The following RAB2A variants were observed in gnomAD, a reference collection of about 807,000 sequenced individuals.
The protein encoded by RAB2A is ras-related protein Rab-2A.
A neutral mutation model predicts 32.5 loss-of-function variants in RAB2A; 7 were observed. The observed-to-expected ratio is 0.22, with a 90% CI of 0.12 to 0.40. The LOEUF (loss-of-function observed/expected upper bound fraction) is 0.40, where lower values mean the gene tolerates loss of function less well. Ranked by LOEUF, RAB2A falls within the 10% of genes least tolerant of loss-of-function variation. The probability of loss-of-function intolerance (pLI) is 1.00; values close to 1 mark genes in which losing one functional copy is unlikely to be tolerated. For missense variants in RAB2A, 108 were observed against 260.7 expected (o/e 0.41, Z 4.03); for synonymous variants, 79 against 85.2 (o/e 0.93, Z 0.40).
intron 3 of RAB2A, among the ~76,000 whole-genome samples, chr8:60,581,522 G>T (rs1803750816): frequency 6.6e-6 from 1 of 152,180 alleles, no homozygotes; most frequent in South Asian, 2.1e-4. Flanking sequence ...AATATTTTCA[G>T]ACTGCAGTTG....
rs1464353073 is a variant in RAB2A at position 60,622,735 on chromosome 8, C to T, written c.*1966C>T. On this transcript the variant is annotated 3_prime_UTR_variant, in exon 8 of 8. Coordinates refer to ENST00000262646, the MANE Select transcript of RAB2A (RefSeq NM_002865.3). ...AAACCAGGACATGCATTTTAATACCCTAAGGAAAAATGGAACCCTCAAATA... is the reference window on the plus strand; with the variant it reads ...AAACCAGGACATGCATTTTAATACCTTAAGGAAAAATGGAACCCTCAAATA... 6.6e-6 allele frequency: 1 copy of T among 152,110 alleles called. No homozygotes were observed. Among genetic ancestry groups the T allele is most frequent in the East Asian group, 1.9e-4 (1 of 5,204 alleles). The allele number at this position is 152,110 out of a possible 1,614,324, so 9.4% of individuals were successfully genotyped here.
At chr8:60,517,317 C>G in intron 1 of RAB2A, 64 bp downstream of exon 1, 2 of 1,374,284 alleles carry the variant, frequency 1.5e-6, no homozygotes, top group East Asian at 6.2e-5. Flanking sequence ...GAGGGGCAAA[C>G]GGCGTCTGGC....
intron 6 of RAB2A, among the ~76,000 whole-genome samples, chr8:60,613,665 C>G (rs1472512385): frequency 6.6e-6 from 1 of 152,124 alleles, no homozygotes; most frequent in Non-Finnish European, 1.5e-5. Context: ...CTAACTTCAT[C>G]CCACAAATAC....
intron 1 of RAB2A, among the ~76,000 whole-genome samples, chr8:60,542,026 C>T (rs954772248): frequency 1.3e-5 from 2 of 152,100 alleles, no homozygotes; most frequent in Non-Finnish European, 2.9e-5. Context: ...TGGAGCAGCA[C>T]CCTCCCCTAC....
chr8:60,584,498 G>A (rs777802673), intron 4 of RAB2A, among the ~76,000 whole-genome samples: 8 of 152,062 alleles, frequency 5.3e-5, no homozygotes, highest in South Asian at 2.1e-4. Flanking sequence ...AATTGAAATC[G>A]GCCATATTAT....
chr8:60,564,996 GC>G, intron 2 of RAB2A, among the ~76,000 whole-genome samples: 1 of 152,310 alleles, frequency 6.6e-6, no homozygotes, highest in East Asian at 1.9e-4. Context: ...ATAAGGCACA[GC>G]CCACTAATTC....
rs575741449 is a variant in RAB2A, at chr8:60,547,631, G to A, written c.47-11221G>A. Reference sequence around the variant, plus strand: ...CAGAGGCGCCCCTCACCTCCCGGACGGGGCGGCTGGCCAGGCGGGGGGCTG... The same window carrying A: ...CAGAGGCGCCCCTCACCTCCCGGACAGGGCGGCTGGCCAGGCGGGGGGCTG... On this transcript the variant is annotated intron_variant, in intron 1 of 7. Coordinates refer to ENST00000262646, the MANE Select transcript of RAB2A (RefSeq NM_002865.3). Among the ~76,000 whole-genome samples the A allele has an allele frequency of 4.2e-3, 504 of 121,058 alleles. 4 individuals carry two copies. Among genetic ancestry groups the A allele is most frequent in the African/African-American group, 0.014 (482 of 33,834 alleles). 79.4% of individuals were successfully genotyped at this position (121,058 alleles called of 152,430 possible).
At chr8:60,576,490 A>C (rs75419729) in intron 3 of RAB2A, among the ~76,000 whole-genome samples, 2,053 of 152,324 alleles carry the variant, frequency 0.013, 15 homozygotes, top group Non-Finnish European at 0.023. Flanking sequence ...TTATCCACTC[A>C]GCTTCCCTAG....
intron 1 of RAB2A, among the ~76,000 whole-genome samples, chr8:60,523,315 G>T (rs1164518393): frequency 1.3e-5 from 2 of 151,902 alleles, no homozygotes; most frequent in East Asian, 3.9e-4. Context: ...CCGCCACCAC[G>T]CCCGGCTAAT....
At chr8:60,607,428 CAAAAAAAAAAAA>C (rs773988383) in intron 6 of RAB2A, among the ~76,000 whole-genome samples, 3 of 57,492 alleles carry the variant, frequency 5.2e-5, no homozygotes, top group Non-Finnish European at 1.0e-4. Context: ...GACTCCATCT[CAAAAAAAAAAAA>C]AAAAAAAAAG....
chr8:60,569,385 C>T (rs1408743832), intron 2 of RAB2A, among the ~76,000 whole-genome samples: 1 of 152,084 alleles, frequency 6.6e-6, no homozygotes, highest in Non-Finnish European at 1.5e-5. Flanking sequence ...TGACATATTC[C>T]TGGTTTAGAA....
At chr8:60,577,898 TC>T (rs1321200625) in intron 3 of RAB2A, among the ~76,000 whole-genome samples, 1 of 151,052 alleles carries the variant, frequency 6.6e-6, no homozygotes. Context: ...CGCCTCAGCT[TC>T]CCAAAGTGCT....
At chr8:60,519,087 G>C (rs536268943) in intron 1 of RAB2A, among the ~76,000 whole-genome samples, 65 of 152,254 alleles carry the variant, frequency 4.3e-4, no homozygotes, top group Admixed American at 3.7e-3. Context: ...AATTCAAAGG[G>C]AAGACACTTC....
At chr8:60,613,510 A>C (rs1430455240) in intron 6 of RAB2A, among the ~76,000 whole-genome samples, 1 of 152,196 alleles carries the variant, frequency 6.6e-6, no homozygotes, top group African/African-American at 2.4e-5. Flanking sequence ...TTAAAAAAGC[A>C]CATATTTCCC....
chr8:60,577,744 A>G (rs555042928), intron 3 of RAB2A, among the ~76,000 whole-genome samples: 12 of 150,574 alleles, frequency 8.0e-5, no homozygotes, highest in South Asian at 2.1e-4. Flanking sequence ...TCCTGCCTCA[A>G]CCTCCTGAGT....
At chr8:60,550,296 C>CAGTG (rs1807825626) in intron 1 of RAB2A, among the ~76,000 whole-genome samples, 1 of 151,672 alleles carries the variant, frequency 6.6e-6, no homozygotes, top group South Asian at 2.1e-4. Flanking sequence ...CTCACAAATT[C>CAGTG]AATTTGAACT....
At position 60,548,855 on chromosome 8, in the gene RAB2A, C is replaced by T. The variant is rs575463160; in HGVS notation, c.47-9997C>T. ...CCTCCCTCCCGGACGAGGTGGCTGC[C>T]GGGCAGAGACGCTCCTCACTTCTCA... is the stretch of plus-strand genomic sequence containing the variant. On this transcript the variant is annotated intron_variant, in intron 1 of 7. Coordinates refer to ENST00000262646, the MANE Select transcript of RAB2A (RefSeq NM_002865.3). Among the ~76,000 whole-genome samples the T allele has an allele frequency of 5.5e-3, 827 of 151,432 alleles. 9 individuals carry two copies. Among genetic ancestry groups the T allele is most frequent in the African/African-American group, 0.018 (755 of 41,168 alleles).
At chr8:60,594,207 T>C (rs1422283677) in intron 6 of RAB2A, among the ~76,000 whole-genome samples, 2 of 152,048 alleles carry the variant, frequency 1.3e-5, no homozygotes, top group East Asian at 3.9e-4. Flanking sequence ...CTCTGAAAAA[T>C]ACTCAAAGAA....
chr8:60,611,129 C>G (rs1374103681), intron 6 of RAB2A, among the ~76,000 whole-genome samples: 2 of 152,220 alleles, frequency 1.3e-5, no homozygotes, highest in African/African-American at 4.8e-5. Flanking sequence ...ATTCTCGTTG[C>G]CACCATCTGA....
Sources: allele counts gnomAD v4.1 joint callset (sites outside exome capture counted in the v4.1 genomes callset), GRCh38; gene constraint gnomAD v4.1.1; transcripts MANE v1.5; gene names NCBI Gene and HGNC (gene_info 2026-07-23, HGNC 2026-07-21).